The following CACNA1I variants were observed in gnomAD, a reference collection of about 807,000 sequenced individuals.
CACNA1I encodes voltage-dependent T-type calcium channel subunit alpha-1I.
A neutral mutation model predicts 201.6 loss-of-function variants in CACNA1I; 74 were observed. The ratio of observed to expected loss-of-function variants is 0.37; its 90% CI spans 0.30 to 0.45. CACNA1I has a LOEUF of 0.45. Among genes scored for constraint, CACNA1I ranks in the 20% least tolerant of loss-of-function variants. The pLI is 1.00. For synonymous variants in CACNA1I, 1,431 were observed against 1,345.2 expected, an observed-to-expected ratio of 1.06 and a Z score of -1.40; for missense variants, 2,346 against 3,138.1, an observed-to-expected ratio of 0.75 and a Z score of 6.03.
At position 39,659,035 on chromosome 22, in the gene CACNA1I, G is replaced by A; in HGVS notation, c.2249G>A (p.Arg750His). 8.1e-6 allele frequency: 13 copies of A among 1,613,030 alleles called. No individual in the cohort carries two copies. The highest frequency in any genetic ancestry group is 4.5e-5 in the East Asian group (2 of 44,872). ...GTGCGCTTCATGCCTGCCCTGCGGC[G>A]CCAGCTCGTGGTGCTCATGAAGACC... ...KLVRFMPALR[R>H]QLVVLMKTMD... is the part of the protein sequence containing the mutation. Residue 750 changes from arginine (R) to histidine (H), a missense_variant, in exon 12 of 37, where the codon CGC becomes CAC. Around this residue, in one of 13 missense-constraint regions of CACNA1I, gnomAD observed 155 missense variants for 300.8 expected, o/e 0.52. Coordinates refer to ENST00000402142, the MANE Select transcript of CACNA1I (RefSeq NM_021096.4). This position sits in a 1 kb window ranked among gnomAD's most constrained non-coding sequence, Gnocchi z 4.3.
chr22:39,639,663 T>C (rs980745741), intron 5 of CACNA1I, among the ~76,000 whole-genome samples: 1 of 152,152 alleles, frequency 6.6e-6, no homozygotes, highest in African/African-American at 2.4e-5. Context: ...TGGTGTGAGG[T>C]TGGGATCCAA....
At position 39,646,697 on chromosome 22, in the gene CACNA1I, C is replaced by T. The variant is rs1404250476; in HGVS notation, c.1278C>T (p.Ala426=). The change falls in exon 8 of 37, where the codon GCC becomes GCT. Residue 426 remains alanine (A), a synonymous_variant. Transcript: ENST00000402142. ...RQRYLSSSTV[A]SYAEPGDCYE... is the part of the protein sequence containing the mutation. ...GCTACCTGTCCTCCAGCACGGTGGC[C>T]AGCTACGCCGAGCCTGGCGACTGCT... 9 of 1,592,678 alleles carry T rather than the reference C, an allele frequency of 5.7e-6. No homozygotes were observed. Among genetic ancestry groups the T allele is most frequent in the African/African-American group, 1.3e-5 (1 of 74,450 alleles).
In CACNA1I at chr22:39,586,572, C is replaced by T. The variant is rs144872304; in HGVS notation, c.237-11579C>T. Among the ~76,000 whole-genome samples the T allele has an allele frequency of 7.8e-3, 1,186 of 152,140 alleles. 20 individuals are homozygous for T. Among genetic ancestry groups the T allele is most frequent in the African/African-American group, 0.027 (1,140 of 41,478 alleles). The stretch of plus-strand genomic sequence containing the variant: ...TGTGGCACAGAAAAGGTTAAGAACC[C>T]CTGTTCTAGAAGAGGAGTCAGTCAT... On this transcript the variant is annotated intron_variant, in intron 1 of 36. Transcript: ENST00000402142.
At position 39,610,927 on chromosome 22, in the gene CACNA1I, TC is replaced by T. The variant is rs1933369688; in HGVS notation, c.483-8382del. ...GGATTGGCTGGTGTGGGGCATGTGC[TC>T]ATCCCTAAGCCAATCACTGAGGGTA... On this transcript the variant is annotated intron_variant, in intron 3 of 36. Coordinates refer to ENST00000402142, the MANE Select transcript of CACNA1I (RefSeq NM_021096.4). Among the ~76,000 whole-genome samples the T allele has an allele frequency of 2.0e-5, 3 of 152,188 alleles. No homozygotes were observed. In the South Asian group the frequency reaches 6.3e-4, roughly 32 times the overall value.
Position 39,684,298 on chromosome 22 carries a change from G to C in CACNA1I, c.5831-4G>C. On this transcript the variant is annotated splice_region_variant and splice_polypyrimidine_tract_variant and intron_variant, in intron 35 of 36. Coordinates refer to ENST00000402142, the MANE Select transcript of CACNA1I (RefSeq NM_021096.4). The surrounding 1 kb of genome is among the most constrained non-coding windows in gnomAD (Gnocchi z 4.6). ...CTCAGCTCTGTCTTCTCCTTTCCCA[G>C]CAGCACCCCCAAGTCCCTTCTCCCC... 1 of 1,613,106 alleles carries C rather than the reference G, an allele frequency of 6.2e-7. No homozygotes were observed. Among genetic ancestry groups the C allele is most frequent in the Non-Finnish European group, 8.5e-7 (1 of 1,179,666 alleles).
Position 39,659,332 on chromosome 22 carries a change from C to T in CACNA1I, c.2331-101C>T, listed in dbSNP as rs1320403945. 5.1e-6 allele frequency: 5 copies of T among 973,262 alleles called. No homozygotes were observed. The highest frequency in any genetic ancestry group is 6.3e-6 in the Non-Finnish European group (4 of 632,766). 60.3% of individuals were successfully genotyped at this position (973,262 alleles called of 1,614,324 possible). On this transcript the variant is annotated intron_variant, in intron 12 of 36. Transcript: ENST00000402142. The surrounding 1 kb of genome is among the most constrained non-coding windows in gnomAD (Gnocchi z 4.3). ...AAATGGGACCAACGCTGCCCCGCCT[C>T]CCCCTGCCCTGCATTTTACTGAGTT...
At position 39,679,769 on chromosome 22, in the gene CACNA1I, G is replaced by C. The variant is rs769548942; in HGVS notation, c.5442G>C (p.Leu1814Phe). 1 of 1,613,076 alleles carries C rather than the reference G, an allele frequency of 6.2e-7. No individual in the cohort carries two copies. The highest frequency in any genetic ancestry group is 1.7e-5 in the Admixed American group (1 of 59,936). The stretch of plus-strand genomic sequence containing the variant: ...TCTCTTTAATCATCAAGGACTCCTT[G>C]GAGGGGGAGCTGACCATCATCGACA... ...DSVSLIIKDS[L>F]EGELTIIDNL... is the part of the protein sequence containing the mutation. The change falls in exon 33 of 37, where the codon TTG becomes TTC. Residue 1814 changes from leucine (L) to phenylalanine (F), a missense_variant. This residue lies in a region of CACNA1I where 441 missense variants were observed against 555.6 expected (regional missense o/e 0.79). Transcript: ENST00000402142.
intron 3 of CACNA1I, among the ~76,000 whole-genome samples, chr22:39,616,107 G>C (rs1243307543): frequency 6.6e-6 from 1 of 152,164 alleles, no homozygotes; most frequent in Non-Finnish European, 1.5e-5. Context: ...AGACCCAGAG[G>C]GTCATGTATG....
intron 1 of CACNA1I, among the ~76,000 whole-genome samples, chr22:39,581,468 A>G (rs2145805174): frequency 6.6e-6 from 1 of 152,284 alleles, no homozygotes; most frequent in Admixed American, 6.5e-5. Flanking sequence ...TGCTCCCAGC[A>G]GCTGAGCCGG....
chr22:39,592,529 C>T lies in CACNA1I; in HGVS notation c.237-5622C>T, dbSNP rs1032014248. Among the ~76,000 whole-genome samples, 10 of 152,172 alleles carry T rather than the reference C, an allele frequency of 6.6e-5. No homozygotes were observed. In the South Asian group the frequency reaches 1.4e-3, roughly 22 times the overall value. ...GGCTGCTCTGTGGCAAAGGTCACCCCGACTGCAGTGAGGGCCTGAGGGGTG... is the reference window on the plus strand; with the variant it reads ...GGCTGCTCTGTGGCAAAGGTCACCCTGACTGCAGTGAGGGCCTGAGGGGTG... On this transcript the variant is annotated intron_variant, in intron 1 of 36. Coordinates refer to ENST00000402142, the MANE Select transcript of CACNA1I (RefSeq NM_021096.4).
At chr22:39,625,752 CCT>C (rs1417669809) in intron 4 of CACNA1I, among the ~76,000 whole-genome samples, 1 of 151,958 alleles carries the variant, frequency 6.6e-6, no homozygotes, top group Non-Finnish European at 1.5e-5. Context: ...GGTTCTGGTT[CCT>C]CTCTGTGTGA....
chr22:39,619,426 G>T lies in CACNA1I; in HGVS notation c.580+19G>T. ...GTGCCCAGTGAGTCAGCCCCGCCCT[G>T]TCCACACATTCCTGGCTGATCCATC... is the stretch of plus-strand genomic sequence containing the variant. On this transcript the variant is annotated intron_variant, in intron 4 of 36. Coordinates refer to ENST00000402142, the MANE Select transcript of CACNA1I (RefSeq NM_021096.4). The T allele has an allele frequency of 6.3e-7, 1 of 1,580,208 alleles. No homozygotes were observed.
intron 1 of CACNA1I, among the ~76,000 whole-genome samples, chr22:39,583,452 C>G (rs1319076496): frequency 6.6e-6 from 1 of 152,206 alleles, no homozygotes; most frequent in African/African-American, 2.4e-5. Context: ...ACCCGCCCAC[C>G]CATCCATCCA....
At chr22:39,658,900 T>C in intron 11 of CACNA1I, 31 bp from the exon 12 acceptor site, 3 of 1,557,286 alleles carry the variant, frequency 1.9e-6, no homozygotes, top group Non-Finnish European at 2.6e-6. Flanking sequence ...GCCTCCTACC[T>C]GTACCCTGGG....
intron 3 of CACNA1I, among the ~76,000 whole-genome samples, chr22:39,618,622 G>A (rs1933634070): frequency 6.6e-6 from 1 of 151,818 alleles, no homozygotes; most frequent in Non-Finnish European, 1.5e-5. Flanking sequence ...TGTAGGAAAA[G>A]CCTTCATTTC....
At chr22:39,646,512 C>A in intron 7 of CACNA1I, 57 bp from the exon 8 acceptor site, 1 of 1,485,570 alleles carries the variant, frequency 6.7e-7, no homozygotes. Flanking sequence ...CCTCTCTCAC[C>A]CTTCTGTCCC....
In CACNA1I at chr22:39,609,224, G is replaced by T. The variant is rs115346219; in HGVS notation, c.482+8571G>T. ...GATGAGGCAGTGACAGGAGTAACTT[G>T]CCTGAGGTCACAGGCTGGTAAGGGG... is the stretch of plus-strand genomic sequence containing the variant. On this transcript the variant is annotated intron_variant, in intron 3 of 36. Transcript: ENST00000402142. 9.9e-3 allele frequency among the ~76,000 whole-genome samples: 1,509 copies of T among 152,320 alleles called. 29 individuals carry two copies. Among genetic ancestry groups the T allele is most frequent in the African/African-American group, 0.034 (1,414 of 41,566 alleles).
intron 3 of CACNA1I, among the ~76,000 whole-genome samples, chr22:39,617,772 G>A (rs1359228182): frequency 5.5e-4 from 19 of 34,702 alleles, no homozygotes; most frequent in African/African-American, 1.9e-3. Context: ...CCCGCCCACC[G>A]CACCCCTCCT....
At chr22:39,663,013 T>C in intron 18 of CACNA1I, 137 bp downstream of exon 18, 1 of 643,054 alleles carries the variant, frequency 1.6e-6, no homozygotes, top group Non-Finnish European at 2.8e-6. Flanking sequence ...GGTGGGGGTC[T>C]CCAGGGGAGA....
Sources: gnomAD v4.1 joint callset for allele counts (sites outside exome capture counted in the v4.1 genomes callset) on GRCh38, gnomAD v4.1.1 for gene constraint, gnomAD v4.1.1 regional missense constraint, Gnocchi (gnomAD v3.1) non-coding constraint, MANE v1.5 for transcripts, NCBI Gene and HGNC (gene_info 2026-07-23, HGNC 2026-07-21) for gene names.